Variants in SLFN12L observed in about 807,000 individuals in gnomAD.
SLFN12L encodes schlafen family member 12-like.
A neutral mutation model predicts 34.8 loss-of-function variants in SLFN12L; 34 were observed. The ratio of observed to expected loss-of-function variants is 0.98; its 90% CI spans 0.74 to 1.30. The LOEUF is 1.30. SLFN12L is among the 50% of genes most tolerant of loss of function. The pLI is 0.00. For missense variants in SLFN12L, 703 were observed against 696.2 expected, an observed-to-expected ratio of 1.01 and a Z score of -0.11; for synonymous variants, 259 against 247.5, an observed-to-expected ratio of 1.05 and a Z score of -0.44.
At chr17:35,535,190 C>CTTTTTTT (rs35271725) in intron 1 of SLFN12L, among the ~76,000 whole-genome samples, 1 of 131,274 alleles carries the variant, frequency 7.6e-6, no homozygotes, top group Non-Finnish European at 1.6e-5. Context: ...TCTCTTTCTC[C>CTTTTTTT]TTTTTTTTTT....
intron 2 of SLFN12L, 51 bp from the exon 3 acceptor site, chr17:35,480,246 TC>T: frequency 2.2e-6 from 3 of 1,386,748 alleles, no homozygotes; most frequent in Non-Finnish European, 2.9e-6. Context: ...GACAGCAAAT[TC>T]TGCATTATGA....
At chr17:35,488,322 C>A (rs112214312) in intron 2 of SLFN12L, among the ~76,000 whole-genome samples, 1 of 152,320 alleles carries the variant, frequency 6.6e-6, no homozygotes, top group African/African-American at 2.4e-5. Flanking sequence ...CGCCAGAAAC[C>A]GGGGGAGAGC....
At chr17:35,535,135 G>A (rs1211725354) in intron 1 of SLFN12L, among the ~76,000 whole-genome samples, 1 of 151,236 alleles carries the variant, frequency 6.6e-6, no homozygotes, top group African/African-American at 2.4e-5. Context: ...AAATCCAGGA[G>A]TATTTGATTC....
chr17:35,528,599 T>C (rs1289375860), intron 1 of SLFN12L, among the ~76,000 whole-genome samples: 3 of 152,162 alleles, frequency 2.0e-5, no homozygotes, highest in Admixed American at 1.3e-4. Flanking sequence ...GGGAAAGGAT[T>C]CCCTATTCAA....
rs199668234 is a variant in SLFN12L, at chr17:35,529,934, ATAGAT to A, written c.-605-6970_-605-6966del. Among the ~76,000 whole-genome samples, 1,459 of 151,996 alleles carry A rather than the reference ATAGAT, an allele frequency of 9.6e-3. 10 individuals carry two copies. Among genetic ancestry groups the A allele is most frequent in the South Asian group, 0.043 (208 of 4,810 alleles). On this transcript the variant is annotated intron_variant, in intron 1 of 4. Transcript: ENST00000628453. ...ATAATAATAGTAAATAAAAAATAAA[ATAGAT>A]TAGAAAAGAAAAAAGTTGAAGAGAT...
Position 35,480,053 on chromosome 17 carries a change from G to A in SLFN12L, c.229C>T (p.Gln77Ter). The A allele has an allele frequency of 6.2e-7, 1 of 1,614,078 alleles. No individual in the cohort carries two copies. Among genetic ancestry groups the A allele is most frequent in the Non-Finnish European group, 8.5e-7 (1 of 1,180,018 alleles). ...ENNRKKMKDC[Q>*]LRKQQNENVS... ...TTTTCATTCTGCTGTTTTCTCAGTT[G>A]ACAATCCTTCATTTTTTTTCTATTG... The change falls in exon 3 of 5, where the codon CAA becomes TAA. Residue 77 changes from glutamine (Q) to a stop codon, truncating the protein, a stop_gained. Transcript: ENST00000628453. LOFTEE classifies it high-confidence loss of function.
intron 1 of SLFN12L, among the ~76,000 whole-genome samples, chr17:35,523,302 AG>A (rs1237903259): frequency 6.6e-6 from 1 of 152,204 alleles, no homozygotes; most frequent in Non-Finnish European, 1.5e-5. Context: ...TGCTTGAAAA[AG>A]ATGAGTCCTA....
chr17:35,534,720 C>A (rs372638031), intron 1 of SLFN12L, among the ~76,000 whole-genome samples: 1 of 152,214 alleles, frequency 6.6e-6, no homozygotes, highest in Non-Finnish European at 1.5e-5. Context: ...CAGTCACTGG[C>A]GGGAGCTGTT....
intron 2 of SLFN12L, chr17:35,487,737 C>A (rs1914648936): frequency 6.5e-7 from 1 of 1,536,054 alleles, no homozygotes. Context: ...TGGCGAGGTC[C>A]ATGTCTGCGC....
intron 1 of SLFN12L, among the ~76,000 whole-genome samples, chr17:35,528,934 A>C (rs187218236): frequency 3.3e-5 from 5 of 152,352 alleles, no homozygotes; most frequent in Admixed American, 3.3e-4. Context: ...AAATTTTTGC[A>C]ATCTATCCAT....
intron 1 of SLFN12L, among the ~76,000 whole-genome samples, chr17:35,536,822 T>G (rs1189525650): frequency 1.4e-5 from 2 of 140,284 alleles, no homozygotes; most frequent in Admixed American, 7.1e-5. Flanking sequence ...AAAAAAAAAA[T>G]AAGAAAAATA....
At chr17:35,527,255 A>T (rs2072345532) in intron 1 of SLFN12L, among the ~76,000 whole-genome samples, 1 of 152,174 alleles carries the variant, frequency 6.6e-6, no homozygotes, top group African/African-American at 2.4e-5. Flanking sequence ...GACCAGACAG[A>T]TTCACAGCTG....
At chr17:35,481,655 G>A (rs183148946) in intron 2 of SLFN12L, among the ~76,000 whole-genome samples, 9 of 152,274 alleles carry the variant, frequency 5.9e-5, no homozygotes, top group East Asian at 1.9e-4. Context: ...AGCGCAGCCT[G>A]GCATTCGGGG....
At chr17:35,505,009 C>T (rs186605170) in intron 2 of SLFN12L, among the ~76,000 whole-genome samples, 89 of 152,210 alleles carry the variant, frequency 5.8e-4, no homozygotes, top group African/African-American at 2.0e-3. Flanking sequence ...AAGAGAAGCC[C>T]CTTATGGGTC....
At chr17:35,531,496 A>G (rs1415225424) in intron 1 of SLFN12L, among the ~76,000 whole-genome samples, 3 of 152,224 alleles carry the variant, frequency 2.0e-5, no homozygotes, top group African/African-American at 7.2e-5. Context: ...TTTGTGACAT[A>G]CAAGCTTTAA....
In SLFN12L at chr17:35,498,638, G is replaced by A. The variant is rs1187221740; in HGVS notation, c.87-18443C>T. On this transcript the variant is annotated intron_variant, in intron 2 of 4. Transcript: ENST00000628453. ...AGAAGGGCGTCATTGAGCAGCTACA[G>A]ACCACTCAAACCATCCAGGACATCC... The A allele has an allele frequency of 1.6e-5, 26 of 1,611,104 alleles. No individual in the cohort carries two copies. In the Admixed American group the frequency reaches 3.8e-4, roughly 24 times the overall value.
chr17:35,487,124 G>A (rs1914611519), intron 2 of SLFN12L, among the ~76,000 whole-genome samples: 1 of 152,214 alleles, frequency 6.6e-6, no homozygotes, highest in Non-Finnish European at 1.5e-5. Context: ...AGGACTCCAG[G>A]AGGGTGGGCA....
At chr17:35,501,738 G>A (rs1239190903) in intron 2 of SLFN12L, among the ~76,000 whole-genome samples, 3 of 152,188 alleles carry the variant, frequency 2.0e-5, no homozygotes, top group African/African-American at 7.2e-5. Flanking sequence ...CTTTGTGTAA[G>A]GTAGACTGGC....
chr17:35,477,267 T>C (rs8069360), intron 4 of SLFN12L, among the ~76,000 whole-genome samples: 6,699 of 152,290 alleles, frequency 0.044, 352 homozygotes, highest in East Asian at 0.14. Context: ...TCACCGTTTA[T>C]GGATGTGGAT....
Sources: gnomAD v4.1 joint callset for allele counts (sites outside exome capture counted in the v4.1 genomes callset) on GRCh38, gnomAD v4.1.1 for gene constraint, MANE v1.5 for transcripts, NCBI Gene and HGNC (gene_info 2026-07-23, HGNC 2026-07-21) for gene names.